The following DROSHA variants were observed in gnomAD, a reference collection of about 807,000 sequenced individuals.
DROSHA encodes drosha ribonuclease III.
In DROSHA, 56 loss-of-function variants were observed where a neutral mutation model predicts 181.9. The observed-to-expected ratio is 0.31, with a 90% CI of 0.25 to 0.38. DROSHA has a LOEUF of 0.38. Ranked by LOEUF, DROSHA falls within the 10% of genes least tolerant of loss-of-function variation. DROSHA has a pLI of 1.00. For synonymous variants in DROSHA, 524 were observed against 591.2 expected (o/e 0.89, Z 1.65); for missense variants, 1,218 against 1,743.5 (o/e 0.70, Z 5.37).
At chr5:31,507,343 C>T (rs946848867) in intron 10 of DROSHA, among the ~76,000 whole-genome samples, 1 of 151,770 alleles carries the variant, frequency 6.6e-6, no homozygotes, top group African/African-American at 2.4e-5. Context: ...GCCTATACTC[C>T]CAGCTACTCA....
In DROSHA at chr5:31,456,549, TA is replaced by T. The variant is rs199740592; in HGVS notation, c.2575-4910del. Among the ~76,000 whole-genome samples the T allele has an allele frequency of 6.3e-4, 95 of 151,570 alleles. No homozygotes were observed. In the East Asian group the frequency reaches 0.017, roughly 28 times the overall value. On this transcript the variant is annotated intron_variant, in intron 20 of 35. Transcript: ENST00000344624. ...GTAAGGGAGAAATGTAATTATACTA[TA>T]AAGTTGTCAGTATAAAGGTAATCAT... is the stretch of plus-strand genomic sequence containing the variant.
chr5:31,498,981 C>T (rs1753304565), intron 11 of DROSHA, among the ~76,000 whole-genome samples: 3 of 152,272 alleles, frequency 2.0e-5, no homozygotes, highest in South Asian at 4.1e-4. Context: ...CGCAGACCCA[C>T]GTTCAAGGAG....
chr5:31,475,681 G>C (rs2150031291), intron 16 of DROSHA, among the ~76,000 whole-genome samples: 1 of 152,328 alleles, frequency 6.6e-6, no homozygotes, highest in African/African-American at 2.4e-5. Context: ...GATTACTTAA[G>C]AGTACCAGGG....
chr5:31,514,879 A>G lies in DROSHA; in HGVS notation c.1290+109T>C. ...GCCCAGAGATGCCGCTAAACATCCTACAATGCATAGGGCAGTCCCCACAAT... is the reference window on the plus strand; with the variant it reads ...GCCCAGAGATGCCGCTAAACATCCTGCAATGCATAGGGCAGTCCCCACAAT... On this transcript the variant is annotated intron_variant, in intron 8 of 35. Coordinates refer to ENST00000344624, the MANE Select transcript of DROSHA (RefSeq NM_001382508.1). This position sits in a 1 kb window ranked among gnomAD's most constrained non-coding sequence, Gnocchi z 4.4. 1 of 993,560 alleles carries G rather than the reference A, an allele frequency of 1.0e-6. No homozygotes were observed. The highest frequency in any genetic ancestry group is 2.4e-5 in the East Asian group (1 of 41,226). 61.5% of individuals were successfully genotyped at this position (993,560 alleles called of 1,614,324 possible).
chr5:31,432,358 C>G (rs1411484322), intron 25 of DROSHA, among the ~76,000 whole-genome samples: 1 of 152,134 alleles, frequency 6.6e-6, no homozygotes, highest in African/African-American at 2.4e-5. Flanking sequence ...TCTCAAACTC[C>G]TGACCTTAGG....
Position 31,508,725 on chromosome 5 carries a change from T to C in DROSHA, c.1483A>G (p.Ser495Gly), listed in dbSNP as rs891578912. 10 of 1,613,784 alleles carry C rather than the reference T, an allele frequency of 6.2e-6. No homozygotes were observed. Among genetic ancestry groups the C allele is most frequent in the Middle Eastern group, 1.6e-4 (1 of 6,084 alleles). ...TCAAAAACTTCAGAGTCTGAGCTGCTAGAACAGGTGCTGTCCTCATCAGAC... is the reference window on the plus strand; with the variant it reads ...TCAAAAACTTCAGAGTCTGAGCTGCCAGAACAGGTGCTGTCCTCATCAGAC... ...CESDEDSTCS[S>G]SSDSEVFDVI... Residue 495 changes from serine (S) to glycine (G), a missense_variant, in exon 10 of 36, where the codon AGC becomes GGC. Around this residue, in one of 8 missense-constraint regions of DROSHA, gnomAD observed 460 missense variants for 774.2 expected, o/e 0.59. Transcript: ENST00000344624.
At chr5:31,407,434 T>A (rs1302983414) in intron 33 of DROSHA, among the ~76,000 whole-genome samples, 2 of 152,224 alleles carry the variant, frequency 1.3e-5, no homozygotes, top group Non-Finnish European at 2.9e-5. Flanking sequence ...TCAGAAAATG[T>A]ATTTAATTTC....
intron 33 of DROSHA, among the ~76,000 whole-genome samples, chr5:31,408,259 G>A (rs1358562488): frequency 6.6e-6 from 1 of 152,166 alleles, no homozygotes; most frequent in Admixed American, 6.5e-5. Context: ...GCTTGCAACC[G>A]TGTATGCATC....
chr5:31,466,141 A>C (rs778909623), intron 19 of DROSHA, 41 bp downstream of exon 19: 3 of 1,578,348 alleles, frequency 1.9e-6, no homozygotes, highest in South Asian at 1.1e-5. Context: ...AACCTGAAGC[A>C]CATCATCGTT....
In DROSHA at chr5:31,425,127, C is replaced by T. The variant is rs376474334; in HGVS notation, c.3217-656G>A. The stretch of plus-strand genomic sequence containing the variant: ...TTTAGTTTCAGACTCTAGGGAGCCT[C>T]TGACTGAATTTACTTCCCGACCTTG... On this transcript the variant is annotated intron_variant, in intron 27 of 35. Coordinates refer to ENST00000344624, the MANE Select transcript of DROSHA (RefSeq NM_001382508.1). 6.6e-5 allele frequency among the ~76,000 whole-genome samples: 10 copies of T among 152,146 alleles called. No homozygotes were observed. In the East Asian group the frequency reaches 1.5e-3, roughly 24 times the overall value.
At chr5:31,521,251 G>A in intron 5 of DROSHA, 36 bp from the exon 6 acceptor site, 1 of 1,604,668 alleles carries the variant, frequency 6.2e-7, no homozygotes, top group Non-Finnish European at 8.5e-7. Context: ...GTTTTCAACA[G>A]AAAGACTCAA....
chr5:31,426,888 G>T (rs1334927887), intron 27 of DROSHA, among the ~76,000 whole-genome samples: 3 of 152,254 alleles, frequency 2.0e-5, no homozygotes, highest in African/African-American at 7.2e-5. Flanking sequence ...AGTGAGAAAT[G>T]AGGAGGACAA....
intron 20 of DROSHA, among the ~76,000 whole-genome samples, chr5:31,454,159 G>A (rs1024897728): frequency 1.3e-5 from 2 of 152,276 alleles, no homozygotes; most frequent in East Asian, 1.9e-4. Context: ...CATGTTCACC[G>A]CAAATAACCC....
intron 24 of DROSHA, among the ~76,000 whole-genome samples, chr5:31,436,458 T>A (rs1744799423): frequency 6.6e-6 from 1 of 150,424 alleles, no homozygotes. Flanking sequence ...TGTGGCATAA[T>A]CTCAGCTCAA....
intron 8 of DROSHA, among the ~76,000 whole-genome samples, chr5:31,512,741 C>T (rs1016269248): frequency 1.3e-5 from 2 of 152,218 alleles, no homozygotes; most frequent in African/African-American, 2.4e-5. Context: ...ACGAGAAGGA[C>T]TCGACCACCA....
intron 27 of DROSHA, among the ~76,000 whole-genome samples, chr5:31,426,760 G>A (rs953272136): frequency 6.6e-6 from 1 of 152,104 alleles, no homozygotes; most frequent in Non-Finnish European, 1.5e-5. Flanking sequence ...GAGCTTGGGA[G>A]GCTGTAACCA....
intron 20 of DROSHA, among the ~76,000 whole-genome samples, chr5:31,459,965 T>C (rs965355391): frequency 1.6e-4 from 24 of 152,220 alleles, no homozygotes; most frequent in Admixed American, 1.6e-3. Flanking sequence ...GCGACTGTGA[T>C]GGTGCAAATT....
chr5:31,414,261 T>G (rs112794057), intron 30 of DROSHA, among the ~76,000 whole-genome samples: 59 of 152,256 alleles, frequency 3.9e-4, no homozygotes, highest in African/African-American at 1.4e-3. Context: ...TTAAATGACA[T>G]CAAGACATGA....
rs1375641400 is a variant in DROSHA, at chr5:31,504,600, C to T, written c.1623G>A (p.Lys541=). The part of the protein sequence containing the change: ...NDGPLCKCSA[K]ARRTGIRHSI... The stretch of plus-strand genomic sequence containing the variant: ...TGTGCCTAATTCCTGTGCGTCTTGC[C>T]TTTGCGCTGCATTTGCAGAGTGGTC... The change falls in exon 11 of 36, where the codon AAG becomes AAA. Residue 541 remains lysine, a synonymous_variant. Transcript: ENST00000344624. 2 of 1,613,962 alleles carry T rather than the reference C, an allele frequency of 1.2e-6. No homozygotes were observed. Among genetic ancestry groups the T allele is most frequent in the Non-Finnish European group, 1.7e-6 (2 of 1,179,884 alleles).
Sources: allele counts gnomAD v4.1 joint callset (sites outside exome capture counted in the v4.1 genomes callset), GRCh38; gene constraint gnomAD v4.1.1; regional missense constraint gnomAD v4.1.1; non-coding constraint Gnocchi (gnomAD v3.1); transcripts MANE v1.5; gene names NCBI Gene and HGNC (gene_info 2026-07-23, HGNC 2026-07-21).